Variants in PRCP observed in about 807,000 individuals in gnomAD.
PRCP encodes the protein prolylcarboxypeptidase.
In PRCP, 46 loss-of-function variants were observed where a neutral mutation model predicts 54.2. The observed-to-expected ratio is 0.85, with a 90% CI of 0.67 to 1.09. PRCP has a LOEUF of 1.09. PRCP is among the 50% of genes least tolerant of loss of function. The pLI, the probability that PRCP is intolerant of heterozygous loss-of-function variation, is 0.00. For synonymous variants in PRCP, 240 were observed against 212.2 expected (o/e 1.13, Z -1.14); for missense variants, 613 against 596.8 (o/e 1.03, Z -0.28).
chr11:82,875,430 G>C (rs890892730), intron 1 of PRCP, among the ~76,000 whole-genome samples: 1 of 152,170 alleles, frequency 6.6e-6, no homozygotes, highest in Non-Finnish European at 1.5e-5. Context: ...AGGTGTGTTA[G>C]CCTCAGGAAA....
chr11:82,872,398 G>T (rs943728541), intron 1 of PRCP, among the ~76,000 whole-genome samples: 4 of 152,182 alleles, frequency 2.6e-5, no homozygotes, highest in Non-Finnish European at 5.9e-5. Flanking sequence ...GATGTCATTA[G>T]TTAAGATGAG....
At chr11:82,841,176 T>C (rs2121106068) in intron 6 of PRCP, among the ~76,000 whole-genome samples, 1 of 150,110 alleles carries the variant, frequency 6.7e-6, no homozygotes, top group East Asian at 1.9e-4. Flanking sequence ...GCTGGGGACA[T>C]GCTCCCAGTC....
At chr11:82,838,328 TCAGA>T in intron 8 of PRCP, 55 bp downstream of exon 8, 1 of 1,478,584 alleles carries the variant, frequency 6.8e-7, no homozygotes. Flanking sequence ...TTCTGTTTTT[TCAGA>T]TATTCTACAA....
In PRCP at chr11:82,824,747, C is replaced by A; in HGVS notation, c.*159G>T. Reference sequence around the variant, plus strand: ...AACCCAGGAAATCACATTCATGGGACACTTGCTCTTACCGTCATCACCCTC... The same window carrying A: ...AACCCAGGAAATCACATTCATGGGAAACTTGCTCTTACCGTCATCACCCTC... On this transcript the variant is annotated 3_prime_UTR_variant, in exon 9 of 9. Coordinates refer to ENST00000313010, the MANE Select transcript of PRCP (RefSeq NM_005040.4). The A allele has an allele frequency of 1.4e-6, 1 of 709,504 alleles. No homozygotes were observed. Among genetic ancestry groups the A allele is most frequent in the Non-Finnish European group, 2.3e-6 (1 of 434,702 alleles). 44.0% of individuals were successfully genotyped at this position (709,504 alleles called of 1,614,324 possible). A position where few individuals can be genotyped will look rare whatever the true frequency, so the allele number is the denominator to read the frequency against.
chr11:82,863,388 A>C (rs962163217), intron 1 of PRCP, among the ~76,000 whole-genome samples: 2 of 152,212 alleles, frequency 1.3e-5, no homozygotes, highest in African/African-American at 4.8e-5. Context: ...GTATCATTTG[A>C]AACTCAACAT....
At chr11:82,841,197 G>C (rs1207273544) in intron 6 of PRCP, among the ~76,000 whole-genome samples, 1 of 150,996 alleles carries the variant, frequency 6.6e-6, no homozygotes, top group African/African-American at 2.4e-5. Context: ...AGGAAAGGAG[G>C]GTACTGAGAA....
intron 1 of PRCP, among the ~76,000 whole-genome samples, chr11:82,863,638 A>G (rs1859262310): frequency 6.6e-6 from 1 of 152,244 alleles, no homozygotes; most frequent in Non-Finnish European, 1.5e-5. Context: ...AAAGAAAAAC[A>G]TTAATAATCC....
intron 8 of PRCP, among the ~76,000 whole-genome samples, chr11:82,837,541 TAAAA>T (rs552530444): frequency 3.5e-4 from 54 of 152,264 alleles, no homozygotes; most frequent in African/African-American, 1.3e-3. Context: ...CTAAAACAAA[TAAAA>T]GAACTTCTAA....
chr11:82,852,884 T>C (rs902797884), intron 3 of PRCP, among the ~76,000 whole-genome samples: 1 of 152,228 alleles, frequency 6.6e-6, no homozygotes, highest in African/African-American at 2.4e-5. Flanking sequence ...TGTTTACTGA[T>C]ATTTTTGAAA....
In PRCP at chr11:82,882,790, C is replaced by G. The variant is rs533673271; in HGVS notation, c.168+17445G>C. ...GATTACAGGCGTGAGCCACCGCGCC[C>G]GGCCGAGCCAGTTCTTAAAATACTG... is the stretch of plus-strand genomic sequence containing the variant. On this transcript the variant is annotated intron_variant, in intron 1 of 8. Coordinates refer to ENST00000313010, the MANE Select transcript of PRCP (RefSeq NM_005040.4). Among the ~76,000 whole-genome samples the G allele has an allele frequency of 9.2e-4, 136 of 147,840 alleles. 4 individuals carry two copies. Among genetic ancestry groups the G allele is most frequent in the Middle Eastern group, 3.5e-3 (1 of 288 alleles).
intron 1 of PRCP, chr11:82,885,001 A>G: frequency 7.1e-7 from 1 of 1,411,642 alleles, no homozygotes; most frequent in South Asian, 1.5e-5. Context: ...ATGTGAAAGA[A>G]AAAATATGAT....
rs1196998527 is a variant in PRCP at position 82,824,884 on chromosome 11, A to G, written c.*22T>C. On this transcript the variant is annotated 3_prime_UTR_variant, in exon 9 of 9. Transcript: ENST00000313010. ...TGGTGGTGTGAACATAAAAGAAGAA[A>G]TTGAAAACAATCAAAAGTTTCTCAG... is the stretch of plus-strand genomic sequence containing the variant. 1.9e-6 allele frequency: 3 copies of G among 1,598,934 alleles called. No individual in the cohort carries two copies. Among genetic ancestry groups the G allele is most frequent in the Admixed American group, 3.4e-5 (2 of 59,306 alleles).
intron 5 of PRCP, 21 bp from the exon 6 acceptor site, chr11:82,849,239 T>C (rs756332794): frequency 1.2e-6 from 2 of 1,612,180 alleles, no homozygotes; most frequent in Admixed American, 1.7e-5. Flanking sequence ...AATCACACTG[T>C]TGGAATCTAA....
At position 82,824,520 on chromosome 11, in the gene PRCP, G is replaced by T; in HGVS notation, c.*386C>A. 1 of 216,958 alleles carries T rather than the reference G, an allele frequency of 4.6e-6. No homozygotes were observed. The highest frequency in any genetic ancestry group is 1.3e-4 in the East Asian group (1 of 7,956). 13.4% of individuals were successfully genotyped at this position (216,958 alleles called of 1,614,324 possible). A position where few individuals can be genotyped will look rare whatever the true frequency, so the allele number is the denominator to read the frequency against. On this transcript the variant is annotated 3_prime_UTR_variant, in exon 9 of 9. Transcript: ENST00000313010. The stretch of plus-strand genomic sequence containing the variant: ...TATCTTCTGCTTTTACTTTGTGTAG[G>T]GTAGGGATGGGGACTTACAAATGGG...
At chr11:82,852,754 G>T (rs1393039735) in intron 3 of PRCP, among the ~76,000 whole-genome samples, 2 of 152,110 alleles carry the variant, frequency 1.3e-5, no homozygotes, top group African/African-American at 4.8e-5. Flanking sequence ...CAGCTTATTT[G>T]TCCTTATTTT....
upstream of PRCP, chr11:82,900,528 A>G (rs1860256356): frequency 7.5e-7 from 1 of 1,338,428 alleles, no homozygotes; most frequent in Admixed American, 2.0e-5. Flanking sequence ...GGGGAAACCC[A>G]AAGCCAGCCA....
chr11:82,900,373 A>G lies in PRCP; in HGVS notation c.30T>C (p.Leu10=). ...TGGCCCAGGGCGCCAGAAAAGACAGAAGCAGGAGCAGGAGGGCTCGGCGGC... is the reference window on the plus strand; with the variant it reads ...TGGCCCAGGGCGCCAGAAAAGACAGGAGCAGGAGCAGGAGGGCTCGGCGGC... MGRRALLLL[L]LSFLAPWATI... is the part of the protein sequence containing the mutation. The change falls in exon 1 of 9, where the codon CTT becomes CTC. Residue 10 remains leucine (L), a synonymous_variant. Coordinates refer to ENST00000313010, the MANE Select transcript of PRCP (RefSeq NM_005040.4). The G allele has an allele frequency of 6.2e-7, 1 of 1,613,916 alleles. No individual in the cohort carries two copies.
chr11:82,880,900 C>T lies in PRCP; in HGVS notation c.168+19335G>A, dbSNP rs576732891. 1.0e-3 allele frequency among the ~76,000 whole-genome samples: 151 copies of T among 151,526 alleles called. 1 individual carries two copies. The highest frequency in any genetic ancestry group is 5.2e-3 in the South Asian group (25 of 4,804). On this transcript the variant is annotated intron_variant, in intron 1 of 8. Coordinates refer to ENST00000313010, the MANE Select transcript of PRCP (RefSeq NM_005040.4). ...TTTTCAAGGGAAAACCTATAAACTG[C>T]TAAGCCACTGCCAAGTGCCTGCTCC...
chr11:82,871,171 G>A (rs1397211678), intron 1 of PRCP, among the ~76,000 whole-genome samples: 2 of 136,800 alleles, frequency 1.5e-5, no homozygotes, highest in Non-Finnish European at 3.2e-5. Context: ...TGTTCTAAAT[G>A]TTTCTCTTTT....
Sources: allele counts gnomAD v4.1 joint callset (sites outside exome capture counted in the v4.1 genomes callset), GRCh38; gene constraint gnomAD v4.1.1; transcripts MANE v1.5; gene names NCBI Gene and HGNC (gene_info 2026-07-23, HGNC 2026-07-21).